PCDHGA7: variants seen among roughly 807,000 people sequenced by gnomAD.
PCDHGA7 encodes protocadherin gamma-A7.
A neutral mutation model predicts 58.3 loss-of-function variants in PCDHGA7; 44 were observed. The observed-to-expected ratio is 0.75, with a 90% CI of 0.59 to 0.97. The LOEUF is 0.97. Among genes scored for constraint, PCDHGA7 ranks in the 50% least tolerant of loss-of-function variants. PCDHGA7 has a pLI of 0.00. For missense variants in PCDHGA7, 1,266 were observed against 1,188.7 expected, an observed-to-expected ratio of 1.06 and a Z score of -0.96; for synonymous variants, 516 against 504.2, an observed-to-expected ratio of 1.02 and a Z score of -0.31.
intron 1 of PCDHGA7, chr5:141,423,279 C>T: frequency 1.9e-6 from 3 of 1,614,032 alleles, no homozygotes; most frequent in Non-Finnish European, 2.5e-6. Flanking sequence ...CTCTGGCTAA[C>T]TCTGAAACCT....
At chr5:141,508,642 T>A (rs893357826) in intron 3 of PCDHGA7, among the ~76,000 whole-genome samples, 13 of 152,070 alleles carry the variant, frequency 8.5e-5, no homozygotes, top group Admixed American at 2.6e-4. Flanking sequence ...AGCTACTCCG[T>A]CAGGCCCTTC....
At position 141,415,772 on chromosome 5, in the gene PCDHGA7, T is replaced by A. The variant is rs540545854; in HGVS notation, c.2424+30449T>A. On this transcript the variant is annotated intron_variant, in intron 1 of 3. Coordinates refer to ENST00000518325, the MANE Select transcript of PCDHGA7 (RefSeq NM_018920.4). ...TTTTTTTTTTTTTTTTTTTTTTTTT[T>A]ACTTTCTGGTAAAATTCACCTAGTC... is the stretch of plus-strand genomic sequence containing the variant. 5,409 of 1,336,512 alleles carry A rather than the reference T, an allele frequency of 4.0e-3. 27 individuals carry two copies. The highest frequency in any genetic ancestry group is 7.3e-3 in the Admixed American group (200 of 27,462). 82.8% of individuals were successfully genotyped at this position (1,336,512 alleles called of 1,614,324 possible).
intron 1 of PCDHGA7, chr5:141,410,538 T>TG (rs768720792): frequency 8.1e-6 from 13 of 1,613,830 alleles, no homozygotes; most frequent in Non-Finnish European, 1.1e-5. Flanking sequence ...AATGAAGACA[T>TG]GGTTTGCAGT....
chr5:141,432,049 G>T lies in PCDHGA7; in HGVS notation c.2424+46726G>T. The T allele has an allele frequency of 7.4e-6, 12 of 1,614,150 alleles. No individual in the cohort carries two copies. Among genetic ancestry groups the T allele is most frequent in the Non-Finnish European group, 1.0e-5 (12 of 1,180,028 alleles). Reference sequence around the variant, plus strand: ...TGACCGCCACTGACCGGGGAACCCCGCCCCTATCCACGGAAACTCATATCT... The same window carrying T: ...TGACCGCCACTGACCGGGGAACCCCTCCCCTATCCACGGAAACTCATATCT... On this transcript the variant is annotated intron_variant, in intron 1 of 3. Coordinates refer to ENST00000518325, the MANE Select transcript of PCDHGA7 (RefSeq NM_018920.4). The surrounding 1 kb of genome is among the most constrained non-coding windows in gnomAD (Gnocchi z 6.0).
intron 1 of PCDHGA7, among the ~76,000 whole-genome samples, chr5:141,406,072 C>CTTT (rs530474569): frequency 7.1e-6 from 1 of 141,484 alleles, no homozygotes. Flanking sequence ...ATTCTTACTC[C>CTTT]TTTTTTTTTT....
intron 1 of PCDHGA7, among the ~76,000 whole-genome samples, chr5:141,457,612 G>T (rs1011626121): frequency 1.8e-4 from 27 of 152,232 alleles, no homozygotes; most frequent in Non-Finnish European, 2.9e-4. Flanking sequence ...AATTATGAAT[G>T]AACTTTAATC....
intron 1 of PCDHGA7, chr5:141,478,463 G>A: frequency 6.2e-7 from 1 of 1,613,424 alleles, no homozygotes; most frequent in South Asian, 1.1e-5. Context: ...CAGTCCACTG[G>A]CCAGCCGCCA....
intron 1 of PCDHGA7, chr5:141,388,866 C>A (rs2091521937): frequency 2.5e-6 from 4 of 1,613,832 alleles, no homozygotes; most frequent in Non-Finnish European, 3.4e-6. Flanking sequence ...AATGATTGCG[C>A]AATGCACAGT....
At position 141,410,845 on chromosome 5, in the gene PCDHGA7, TTGTC is replaced by T. The variant is rs1434874838; in HGVS notation, c.2424+25524_2424+25527del. 23 of 429,726 alleles carry T rather than the reference TTGTC, an allele frequency of 5.4e-5. 1 individual carries two copies. Among genetic ancestry groups the T allele is most frequent in the Admixed American group, 8.8e-5 (2 of 22,654 alleles). The allele number at this position is 429,726 out of a possible 1,614,324, so 26.6% of individuals were successfully genotyped here. A position where few individuals can be genotyped will look rare whatever the true frequency, so the allele number is the denominator to read the frequency against. Reference sequence around the variant, plus strand: ...TCACCAGACTGAAGATATTTTGTCTTTGTCTTTTTTTTTTTTTTTTTTTTTTGAG... The same window carrying T: ...TCACCAGACTGAAGATATTTTGTCTTTTTTTTTTTTTTTTTTTTTTTTGAG... On this transcript the variant is annotated intron_variant, in intron 1 of 3. Transcript: ENST00000518325.
At chr5:141,504,743 G>A (rs924744762) in intron 2 of PCDHGA7, among the ~76,000 whole-genome samples, 5 of 151,982 alleles carry the variant, frequency 3.3e-5, no homozygotes, top group African/African-American at 9.7e-5. Context: ...GGAAGCCATT[G>A]AATTTTAGAA....
chr5:141,458,386 G>T (rs1037969327), intron 1 of PCDHGA7, among the ~76,000 whole-genome samples: 2 of 152,070 alleles, frequency 1.3e-5, no homozygotes, highest in African/African-American at 2.4e-5. Flanking sequence ...GAAGGAAGAC[G>T]CTCCCCCTTG....
At chr5:141,429,385 T>A (rs1274446916) in intron 1 of PCDHGA7, among the ~76,000 whole-genome samples, 1 of 151,844 alleles carries the variant, frequency 6.6e-6, no homozygotes, top group Non-Finnish European at 1.5e-5. Flanking sequence ...GTGTTTTTTT[T>A]TTAAAAAAAA....
intron 1 of PCDHGA7, among the ~76,000 whole-genome samples, chr5:141,450,022 T>TTTTC: frequency 6.7e-6 from 1 of 149,424 alleles, no homozygotes; most frequent in Admixed American, 6.7e-5. Context: ...TTTTTTTTTT[T>TTTTC]TTGAGACAGG....
At position 141,431,106 on chromosome 5, in the gene PCDHGA7, T is replaced by C. The variant is rs566174531; in HGVS notation, c.2424+45783T>C. 25 of 1,614,108 alleles carry C rather than the reference T, an allele frequency of 1.5e-5. No homozygotes were observed. In the South Asian group the frequency reaches 2.7e-4, roughly 18 times the overall value. On this transcript the variant is annotated intron_variant, in intron 1 of 3. Transcript: ENST00000518325. This position sits in a 1 kb window ranked among gnomAD's most constrained non-coding sequence, Gnocchi z 4.8. ...ATTCTGATGGAGGATAAAGTGAAAA[T>C]ATATGGAGTAGAAGTAGAAGTAAGG...
intron 1 of PCDHGA7, chr5:141,475,934 GC>G (rs879308605): frequency 6.0e-6 from 4 of 665,236 alleles, no homozygotes; most frequent in Non-Finnish European, 1.0e-5. Context: ...TCGGGCCCCT[GC>G]CCGTCCCCTT....
intron 1 of PCDHGA7, among the ~76,000 whole-genome samples, chr5:141,405,806 C>T (rs2094720612): frequency 6.8e-6 from 1 of 146,048 alleles, no homozygotes. Context: ...TTAGCTTTCT[C>T]TTTAACTGTC....
Position 141,410,699 on chromosome 5 carries a change from A to C in PCDHGA7, c.2424+25376A>C, listed in dbSNP as rs760193148. On this transcript the variant is annotated intron_variant, in intron 1 of 3. Transcript: ENST00000518325. ...ATTTTAGGCATACTACTTTATTTTC[A>C]TATCTAGAATCATATGTTTAAAATC... The C allele has an allele frequency of 2.0e-6, 3 of 1,478,344 alleles. No homozygotes were observed. In the South Asian group the frequency reaches 4.0e-5, roughly 20 times the overall value. The allele number at this position is 1,478,344 out of a possible 1,614,324, so 91.6% of individuals were successfully genotyped here. A position where few individuals can be genotyped will look rare whatever the true frequency, so the allele number is the denominator to read the frequency against.
At chr5:141,409,069 A>G (rs886525915) in intron 1 of PCDHGA7, 5 of 1,614,008 alleles carry the variant, frequency 3.1e-6, no homozygotes, top group Non-Finnish European at 4.2e-6. Context: ...AGAGCACAAA[A>G]CATATGTTCT....
At chr5:141,451,762 T>C (rs2154563695) in intron 1 of PCDHGA7, among the ~76,000 whole-genome samples, 1 of 152,100 alleles carries the variant, frequency 6.6e-6, no homozygotes, top group African/African-American at 2.4e-5. Flanking sequence ...ATGCCTATAG[T>C]CCCAGCTACT....
Sources: allele counts gnomAD v4.1 joint callset (sites outside exome capture counted in the v4.1 genomes callset), GRCh38; gene constraint gnomAD v4.1.1; non-coding constraint Gnocchi (gnomAD v3.1); transcripts MANE v1.5; gene names NCBI Gene and HGNC (gene_info 2026-07-23, HGNC 2026-07-21).